The following UPF2 variants were observed in gnomAD, a reference collection of about 807,000 sequenced individuals.
UPF2 encodes UPF2 regulator of nonsense mediated mRNA decay.
UPF2 carries 17 observed loss-of-function variants against 141.4 expected under a neutral mutation model. The ratio of observed to expected loss-of-function variants is 0.12; its 90% CI spans 0.08 to 0.18. The LOEUF (loss-of-function observed/expected upper bound fraction) is 0.18, where lower values mean the gene tolerates loss of function less well. Among genes scored for constraint, UPF2 ranks in the 10% least tolerant of loss-of-function variants. UPF2 has a pLI of 1.00. For synonymous variants in UPF2, 540 were observed against 498.0 expected (o/e 1.08, Z -1.12); for missense variants, 1,152 against 1,515.9 (o/e 0.76, Z 3.99).
rs148256967 is a variant in UPF2 at position 11,928,047 on chromosome 10, G to C, written c.3809+1818C>G. Among the ~76,000 whole-genome samples, 36 of 152,326 alleles carry C rather than the reference G, an allele frequency of 2.4e-4. No homozygotes were observed. In the East Asian group the frequency reaches 6.6e-3, roughly 28 times the overall value. ...AACACTAATCCACTAAGTGAGATCA[G>C]TAAGGGCAGCAGAAGCCACTGTCCC... On this transcript the variant is annotated intron_variant, in intron 21 of 21. Transcript: ENST00000357604.
intron 18 of UPF2, among the ~76,000 whole-genome samples, chr10:11,938,853 G>GTTTTGTTTTTTTTTTTTTTTTTTTTT (rs1832889729): frequency 2.5e-5 from 2 of 79,816 alleles, no homozygotes; most frequent in East Asian, 7.1e-4. Flanking sequence ...TTTTTTTTTT[G>GTTTTGTTTTTTTTTTTTTTTTTTTTT]TTTTTTTTTT....
intron 3 of UPF2, among the ~76,000 whole-genome samples, chr10:12,022,596 T>C (rs1232260256): frequency 6.6e-6 from 1 of 152,114 alleles, no homozygotes; most frequent in Admixed American, 6.6e-5. Flanking sequence ...TAGGACATAA[T>C]TTTAGAGCTC....
chr10:12,025,581 T>TAAATAAATAAAC lies in UPF2; in HGVS notation c.1145+3163_1145+3164insGTTTATTTATTT, dbSNP rs1355044460. 7.9e-4 allele frequency among the ~76,000 whole-genome samples: 120 copies of TAAATAAATAAAC among 151,950 alleles called. 2 individuals carry two copies. Among genetic ancestry groups the TAAATAAATAAAC allele is most frequent in the African/African-American group, 2.8e-3 (114 of 41,396 alleles). ...ATAAATAAATAAATAAATAAATAAATAGGCTGTGACAATACTAAGGTCAGT... is the reference window on the plus strand; with the variant it reads ...ATAAATAAATAAATAAATAAATAAATAAATAAATAAACAGGCTGTGACAATACTAAGGTCAGT... On this transcript the variant is annotated intron_variant, in intron 3 of 21. Transcript: ENST00000357604.
intron 9 of UPF2, among the ~76,000 whole-genome samples, chr10:11,978,779 C>T (rs551114251): frequency 6.6e-6 from 1 of 152,274 alleles, no homozygotes; most frequent in African/African-American, 2.4e-5. Flanking sequence ...TGTCTTGACC[C>T]TGGAGAATGA....
chr10:11,990,407 C>G (rs1588556144), intron 8 of UPF2, among the ~76,000 whole-genome samples: 2 of 152,310 alleles, frequency 1.3e-5, no homozygotes, highest in East Asian at 3.9e-4. Context: ...CAACCAACAT[C>G]AGAAACAATA....
chr10:11,976,841 G>GAGA (rs1415811340), intron 9 of UPF2, among the ~76,000 whole-genome samples: 5 of 152,202 alleles, frequency 3.3e-5, no homozygotes, highest in African/African-American at 1.2e-4. Flanking sequence ...TTTATGTACA[G>GAGA]ATGCTATGTG....
chr10:12,031,638 T>C (rs974937316), intron 2 of UPF2, among the ~76,000 whole-genome samples: 3 of 152,058 alleles, frequency 2.0e-5, no homozygotes, highest in Non-Finnish European at 2.9e-5. Context: ...TAGCTGGACA[T>C]GGTGGCACAT....
intron 9 of UPF2, among the ~76,000 whole-genome samples, chr10:11,969,720 T>C (rs1190581351): frequency 6.6e-6 from 1 of 152,194 alleles, no homozygotes; most frequent in Non-Finnish European, 1.5e-5. Flanking sequence ...GCTTCGAGGA[T>C]TGATTGAGTG....
intron 3 of UPF2, among the ~76,000 whole-genome samples, chr10:12,017,001 C>T (rs1286244093): frequency 7.4e-6 from 1 of 135,168 alleles, no homozygotes; most frequent in Non-Finnish European, 1.5e-5. Flanking sequence ...GCCTGAGCAA[C>T]AGAGCGAGAC....
rs1834758276 is a variant in UPF2, at chr10:12,042,637, C to A, written c.-19+118G>T. On this transcript the variant is annotated intron_variant, in intron 1 of 21. Coordinates refer to ENST00000357604, the MANE Select transcript of UPF2 (RefSeq NM_015542.4). This position sits in a 1 kb window ranked among gnomAD's most constrained non-coding sequence, Gnocchi z 5.5. ...TCCACTGCTCGCCGACCCCGGAGAG[C>A]TGGAGTGTGGAGTCGCCTCTGGGGT... 6.6e-6 allele frequency: 1 copy of A among 152,446 alleles called. No individual in the cohort carries two copies. Among genetic ancestry groups the A allele is most frequent in the African/African-American group, 2.4e-5 (1 of 41,454 alleles). 9.4% of individuals were successfully genotyped at this position (152,446 alleles called of 1,614,324 possible).
chr10:11,967,618 T>C lies in UPF2; in HGVS notation c.1954-164A>G, dbSNP rs527342567. On this transcript the variant is annotated intron_variant, in intron 9 of 21. Transcript: ENST00000357604. ...AGGCTGGAGTGCAACGGTGCAATCTTGGCTCACTGCAACCTCCGCCTCCTG... is the reference window on the plus strand; with the variant it reads ...AGGCTGGAGTGCAACGGTGCAATCTCGGCTCACTGCAACCTCCGCCTCCTG... Among the ~76,000 whole-genome samples the C allele has an allele frequency of 1.6e-3, 238 of 150,924 alleles. 1 individual carries two copies. The highest frequency in any genetic ancestry group is 5.4e-3 in the African/African-American group (221 of 40,964).
At chr10:11,966,892 T>G (rs750865383) in intron 10 of UPF2, among the ~76,000 whole-genome samples, 3 of 152,252 alleles carry the variant, frequency 2.0e-5, no homozygotes, top group African/African-American at 4.8e-5. Flanking sequence ...GTAGAAATGT[T>G]TGTATTCACA....
At chr10:11,951,712 G>C (rs1833077466) in intron 15 of UPF2, among the ~76,000 whole-genome samples, 1 of 152,086 alleles carries the variant, frequency 6.6e-6, no homozygotes, top group Non-Finnish European at 1.5e-5. Context: ...AATGCCTGTT[G>C]AAAATATATA....
chr10:11,954,884 A>G (rs1833125529), intron 14 of UPF2, among the ~76,000 whole-genome samples: 1 of 151,082 alleles, frequency 6.6e-6, no homozygotes, highest in African/African-American at 2.4e-5. Context: ...AGAAGAGAAC[A>G]TTAACAAATG....
chr10:11,959,066 T>C lies in UPF2; in HGVS notation c.2370+105A>G, dbSNP rs1230935606. 1.8e-6 allele frequency: 2 copies of C among 1,098,072 alleles called. No homozygotes were observed. Among genetic ancestry groups the C allele is most frequent in the South Asian group, 2.5e-5 (1 of 39,652 alleles). 68.0% of individuals were successfully genotyped at this position (1,098,072 alleles called of 1,614,324 possible). On this transcript the variant is annotated intron_variant, in intron 12 of 21. Transcript: ENST00000357604. The surrounding 1 kb of genome is among the most constrained non-coding windows in gnomAD (Gnocchi z 5.9). ...AGGGTGACTTACACAGAGCTGATTA[T>C]AAAGGAACTTGAGCTCTACCCCCAC...
At chr10:12,035,623 CATT>C (rs1398926886) in intron 1 of UPF2, 182 bp from the exon 2 acceptor site, 2 of 642,650 alleles carry the variant, frequency 3.1e-6, no homozygotes, top group African/African-American at 3.8e-5. Flanking sequence ...CACATCCTAT[CATT>C]ATTAGTTAGG....
intron 14 of UPF2, 104 bp from the exon 15 acceptor site, chr10:11,952,353 GA>G: frequency 9.6e-7 from 1 of 1,043,820 alleles, no homozygotes; most frequent in Non-Finnish European, 1.3e-6. Context: ...CTACTAAGCT[GA>G]AAGGTTATAA....
chr10:12,016,745 G>A lies in UPF2; in HGVS notation c.1146-2561C>T, dbSNP rs544468975. Among the ~76,000 whole-genome samples the A allele has an allele frequency of 2.0e-5, 3 of 151,846 alleles. No homozygotes were observed. Among genetic ancestry groups the A allele is most frequent in the Admixed American group, 6.6e-5 (1 of 15,226 alleles). ...TTAAAAATATCTGCAATGTAGGGCC[G>A]GGCACGGTGGTTCACGCCTATAATC... is the stretch of plus-strand genomic sequence containing the variant. On this transcript the variant is annotated intron_variant, in intron 3 of 21. Coordinates refer to ENST00000357604, the MANE Select transcript of UPF2 (RefSeq NM_015542.4). This position sits in a 1 kb window ranked among gnomAD's most constrained non-coding sequence, Gnocchi z 4.1.
chr10:12,028,599 C>A, intron 3 of UPF2, 146 bp downstream of exon 3: 5 of 772,734 alleles, frequency 6.5e-6, no homozygotes, highest in Non-Finnish European at 2.0e-6. Flanking sequence ...TCAGACTGTT[C>A]TACTTTGAAA....
Sources: gnomAD v4.1 joint callset for allele counts (sites outside exome capture counted in the v4.1 genomes callset) on GRCh38, gnomAD v4.1.1 for gene constraint, Gnocchi (gnomAD v3.1) non-coding constraint, MANE v1.5 for transcripts, NCBI Gene and HGNC (gene_info 2026-07-23, HGNC 2026-07-21) for gene names.